EDEM2: variants seen among roughly 807,000 people sequenced by gnomAD.
EDEM2 encodes the protein ER degradation-enhancing alpha-mannosidase-like protein 2.
EDEM2 carries 39 observed loss-of-function variants against 64.8 expected under a neutral mutation model. The ratio of observed to expected loss-of-function variants is 0.60; its 90% CI spans 0.47 to 0.79. The LOEUF is 0.79. Among genes scored for constraint, EDEM2 ranks in the 30% least tolerant of loss-of-function variants. The pLI is 0.00. For synonymous variants in EDEM2, 296 were observed against 291.5 expected (o/e 1.02, Z -0.16); for missense variants, 609 against 731.3 (o/e 0.83, Z 1.93).
Position 35,138,018 on chromosome 20 carries a change from C to G in EDEM2, c.365-13G>C, listed in dbSNP as rs1305389398. 6.2e-7 allele frequency: 1 copy of G among 1,613,438 alleles called. No homozygotes were observed. Among genetic ancestry groups the G allele is most frequent in the Admixed American group, 1.7e-5 (1 of 59,850 alleles). On this transcript the variant is annotated splice_polypyrimidine_tract_variant and intron_variant, in intron 4 of 10. Coordinates refer to ENST00000374492, the MANE Select transcript of EDEM2 (RefSeq NM_018217.3). Reference sequence around the variant, plus strand: ...AGTCCTCCTACCACTACAGATGGCACAGAAAGCAAATGGCACAGTCCAAAG... The same window carrying G: ...AGTCCTCCTACCACTACAGATGGCAGAGAAAGCAAATGGCACAGTCCAAAG...
chr20:35,127,376 T>G (rs1337463956), intron 7 of EDEM2, among the ~76,000 whole-genome samples: 1 of 152,174 alleles, frequency 6.6e-6, no homozygotes, highest in East Asian at 1.9e-4. Flanking sequence ...GGTTCCAGGC[T>G]CCTATGAGTT....
At chr20:35,118,559 G>A in intron 10 of EDEM2, 39 bp downstream of exon 10, 14 of 1,613,240 alleles carry the variant, frequency 8.7e-6, no homozygotes, top group Non-Finnish European at 1.1e-5. Context: ...GCAGCAAGGG[G>A]AGACTCTTCC....
chr20:35,138,133 G>A, intron 4 of EDEM2, 128 bp from the exon 5 acceptor site: 1 of 1,288,566 alleles, frequency 7.8e-7, no homozygotes, highest in Non-Finnish European at 1.1e-6. Context: ...ACCTCCTGAA[G>A]CTATTTCACG....
At chr20:35,121,967 C>CT (rs1171069729) in intron 9 of EDEM2, among the ~76,000 whole-genome samples, 1 of 152,074 alleles carries the variant, frequency 6.6e-6, no homozygotes, top group Non-Finnish European at 1.5e-5. Flanking sequence ...ATTTATATTT[C>CT]TTATAGAGAC....
intron 7 of EDEM2, among the ~76,000 whole-genome samples, chr20:35,129,056 C>G (rs1020240541): frequency 2.7e-5 from 4 of 150,850 alleles, no homozygotes; most frequent in Admixed American, 2.6e-4. Context: ...CACCTGAGAT[C>G]AGGAGTTTGA....
Position 35,115,745 on chromosome 20 carries a change from T to C in EDEM2, c.1425A>G (p.Thr475=). The change falls in exon 11 of 11, where the codon ACA becomes ACG. Residue 475 remains threonine (T), a synonymous_variant. Transcript: ENST00000374492. ...CGGCAGGGTCGATGGGGTGAGCTTC[T>C]GTGTTGAAGATGTACCCCCCAGCCC... ...ILGAGGYIFN[T]EAHPIDPAAL... 7 of 1,614,238 alleles carry C rather than the reference T, an allele frequency of 4.3e-6. No homozygotes were observed. Among genetic ancestry groups the C allele is most frequent in the Non-Finnish European group, 5.9e-6 (7 of 1,180,054 alleles).
At chr20:35,134,523 C>T (rs2085548324) in intron 6 of EDEM2, among the ~76,000 whole-genome samples, 1 of 152,162 alleles carries the variant, frequency 6.6e-6, no homozygotes, top group Non-Finnish European at 1.5e-5. Context: ...TGAATGCAGC[C>T]CCTGCTGCCT....
At chr20:35,146,002 C>CA (rs138113879) in intron 2 of EDEM2, among the ~76,000 whole-genome samples, 2,508 of 82,540 alleles carry the variant, frequency 0.03, 76 homozygotes, top group African/African-American at 0.089. Context: ...AACTCCATCT[C>CA]AAAAAAAAAA....
intron 3 of EDEM2, among the ~76,000 whole-genome samples, chr20:35,144,097 C>T (rs1483775365): frequency 2.0e-5 from 3 of 151,742 alleles, no homozygotes; most frequent in African/African-American, 4.8e-5. Flanking sequence ...TTGGTAGAGA[C>T]GGGGTTTCAC....
intron 3 of EDEM2, among the ~76,000 whole-genome samples, chr20:35,143,824 T>C (rs1344022586): frequency 6.6e-6 from 1 of 152,180 alleles, no homozygotes; most frequent in Non-Finnish European, 1.5e-5. Context: ...TTGAGCAATG[T>C]TGGCCTCCCA....
Position 35,147,309 on chromosome 20 carries a change from A to C in EDEM2, c.-51T>G. The stretch of plus-strand genomic sequence containing the variant: ...CGCAGCAGCAGCAGCCACTGCAACC[A>C]GTTCATCCTGGGAGCTGCTGCGGGT... On this transcript the variant is annotated 5_prime_UTR_variant, in exon 1 of 11. Coordinates refer to ENST00000374492, the MANE Select transcript of EDEM2 (RefSeq NM_018217.3). 7.0e-7 allele frequency: 1 copy of C among 1,438,208 alleles called. No individual in the cohort carries two copies. Among genetic ancestry groups the C allele is most frequent in the African/African-American group, 1.4e-5 (1 of 69,096 alleles). The allele number at this position is 1,438,208 out of a possible 1,614,324, so 89.1% of individuals were successfully genotyped here.
chr20:35,130,185 G>A (rs1025757604), intron 7 of EDEM2, among the ~76,000 whole-genome samples: 3 of 151,890 alleles, frequency 2.0e-5, no homozygotes, highest in African/African-American at 2.4e-5. Flanking sequence ...CCTTCACCTT[G>A]GCCTCCCAAG....
At chr20:35,126,688 G>A (rs775812659) in intron 7 of EDEM2, among the ~76,000 whole-genome samples, 7 of 152,064 alleles carry the variant, frequency 4.6e-5, no homozygotes, top group Non-Finnish European at 8.8e-5. Flanking sequence ...CGAGGTGGGC[G>A]GATCACCTGA....
At chr20:35,129,587 T>G (rs755041825) in intron 7 of EDEM2, among the ~76,000 whole-genome samples, 1 of 150,416 alleles carries the variant, frequency 6.6e-6, no homozygotes, top group Non-Finnish European at 1.5e-5. Context: ...AAAAAAAAAA[T>G]TTATTACTGG....
rs2146100585 is a variant in EDEM2 at position 35,130,824 on chromosome 20, G to A, written c.844+818C>T. 2.6e-5 allele frequency among the ~76,000 whole-genome samples: 4 copies of A among 152,290 alleles called. No individual in the cohort carries two copies. In the Middle Eastern group the frequency reaches 0.014, roughly 518 times the overall value. The stretch of plus-strand genomic sequence containing the variant: ...CAAGATTGCTAGTGTCTAAGGGCCT[G>A]GCGGGTAAGATGTATTTATTCAACA... On this transcript the variant is annotated intron_variant, in intron 7 of 10. Transcript: ENST00000374492.
At chr20:35,139,157 C>T (rs561814786) in intron 4 of EDEM2, among the ~76,000 whole-genome samples, 11 of 151,900 alleles carry the variant, frequency 7.2e-5, no homozygotes, top group Admixed American at 2.0e-4. Context: ...GAGACCATCC[C>T]GGCTAAAATG....
At chr20:35,126,180 A>C in intron 8 of EDEM2, 71 bp downstream of exon 8, 1 of 1,570,508 alleles carries the variant, frequency 6.4e-7, no homozygotes, top group East Asian at 2.2e-5. Context: ...ACATTATTTG[A>C]CTTATACATC....
chr20:35,122,878 G>T (rs1330319604), intron 9 of EDEM2, among the ~76,000 whole-genome samples: 1 of 152,186 alleles, frequency 6.6e-6, no homozygotes. Flanking sequence ...CTGTCCCATG[G>T]CTAAAAGGCA....
chr20:35,134,579 T>C (rs1417840166), intron 6 of EDEM2, among the ~76,000 whole-genome samples, 159 bp downstream of exon 6: 1 of 152,158 alleles, frequency 6.6e-6, no homozygotes, highest in Non-Finnish European at 1.5e-5. Flanking sequence ...CAAGCCAAAC[T>C]TGAATTGGAG....
Sources: allele counts gnomAD v4.1 joint callset (sites outside exome capture counted in the v4.1 genomes callset), GRCh38; gene constraint gnomAD v4.1.1; transcripts MANE v1.5; gene names NCBI Gene and HGNC (gene_info 2026-07-23, HGNC 2026-07-21).